SDCCAG8: variants seen among roughly 807,000 people sequenced by gnomAD.
SDCCAG8 encodes the protein SHH signaling and ciliogenesis regulator SDCCAG8.
Under a neutral mutation model 101.8 loss-of-function variants are expected in SDCCAG8, and 74 were observed. The observed-to-expected ratio is 0.73, with a 90% CI of 0.60 to 0.88. SDCCAG8 has a LOEUF of 0.88. Ranked by LOEUF, SDCCAG8 falls within the 40% of genes least tolerant of loss-of-function variation. The pLI is 0.00. For synonymous variants in SDCCAG8, 281 were observed against 292.9 expected (o/e 0.96, Z 0.41); for missense variants, 787 against 822.6 (o/e 0.96, Z 0.53).
At chr1:243,305,003 T>G (rs374279427) in intron 7 of SDCCAG8, 12 of 526,294 alleles carry the variant, frequency 2.3e-5, no homozygotes, top group South Asian at 1.6e-4. Context: ...TATTTGTGTT[T>G]TCTTGTAGAA....
intron 13 of SDCCAG8, among the ~76,000 whole-genome samples, chr1:243,391,175 T>C (rs2147943385): frequency 6.6e-6 from 1 of 152,346 alleles, no homozygotes; most frequent in East Asian, 1.9e-4. Context: ...ATTACTGCCT[T>C]GTTATTTAAT....
intron 4 of SDCCAG8, among the ~76,000 whole-genome samples, chr1:243,283,257 G>T (rs762048126): frequency 1.9e-4 from 29 of 151,848 alleles, no homozygotes; most frequent in African/African-American, 3.4e-4. Flanking sequence ...GTGTATTTTT[G>T]GGGGGTATTT....
At chr1:243,389,150 T>TCCCCC (rs373392073) in intron 13 of SDCCAG8, among the ~76,000 whole-genome samples, 1 of 116,706 alleles carries the variant, frequency 8.6e-6, no homozygotes, top group Non-Finnish European at 1.8e-5. Flanking sequence ...CTGTCCCCCC[T>TCCCCC]CCCCCCCCCA....
intron 13 of SDCCAG8, among the ~76,000 whole-genome samples, chr1:243,403,208 C>T (rs995896723): frequency 3.3e-5 from 5 of 152,084 alleles, no homozygotes; most frequent in African/African-American, 9.7e-5. Context: ...GATGAGGTTC[C>T]GCCTTGACGT....
intron 13 of SDCCAG8, among the ~76,000 whole-genome samples, chr1:243,404,862 CTT>C (rs529062563): frequency 4.9e-4 from 67 of 137,502 alleles, no homozygotes; most frequent in Middle Eastern, 3.7e-3. Context: ...TAGACTTCTT[CTT>C]TTTTTTTTTT....
chr1:243,354,294 A>C (rs1034069023), intron 12 of SDCCAG8, among the ~76,000 whole-genome samples: 16 of 152,328 alleles, frequency 1.1e-4, no homozygotes, highest in Middle Eastern at 3.4e-3. Flanking sequence ...TGGAGCCTCA[A>C]GTTTTATTCT....
intron 13 of SDCCAG8, among the ~76,000 whole-genome samples, chr1:243,398,617 T>G (rs1295538465): frequency 2.0e-5 from 3 of 152,200 alleles, no homozygotes; most frequent in Admixed American, 1.3e-4. Flanking sequence ...TCCATCATAA[T>G]TACCAAATTT....
intron 14 of SDCCAG8, 144 bp from the exon 15 acceptor site, chr1:243,417,824 C>T: frequency 3.1e-6 from 2 of 652,904 alleles, no homozygotes; most frequent in Non-Finnish European, 5.6e-6. Flanking sequence ...ATGATAAGTC[C>T]TTTGACTTAG....
chr1:243,296,342 G>A (rs1376939063), intron 6 of SDCCAG8, among the ~76,000 whole-genome samples: 1 of 151,946 alleles, frequency 6.6e-6, no homozygotes, highest in African/African-American at 2.4e-5. Flanking sequence ...CTCCCATAAA[G>A]CAAACAAACC....
chr1:243,455,376 T>G (rs1251078296), intron 16 of SDCCAG8, among the ~76,000 whole-genome samples: 1 of 152,132 alleles, frequency 6.6e-6, no homozygotes, highest in Non-Finnish European at 1.5e-5. Context: ...TTCAAGCAAT[T>G]CTCCTGCCTC....
intron 6 of SDCCAG8, among the ~76,000 whole-genome samples, chr1:243,293,901 G>A (rs1043245125): frequency 9.2e-5 from 14 of 152,078 alleles, no homozygotes; most frequent in Admixed American, 2.6e-4. Flanking sequence ...TCATCAATTC[G>A]TTTTTCTACC....
chr1:243,385,267 A>G (rs892925787), intron 13 of SDCCAG8, among the ~76,000 whole-genome samples: 6 of 151,888 alleles, frequency 4.0e-5, no homozygotes, highest in Non-Finnish European at 5.9e-5. Flanking sequence ...GTGCGCGCCT[A>G]TAGTCCCAGC....
chr1:243,347,243 T>A (rs1414510889), intron 12 of SDCCAG8, among the ~76,000 whole-genome samples: 1 of 152,224 alleles, frequency 6.6e-6, no homozygotes, highest in East Asian at 1.9e-4. Flanking sequence ...AGACCTTATG[T>A]TATTTTACTC....
At chr1:243,384,590 CCACACA>C (rs113914411) in intron 13 of SDCCAG8, among the ~76,000 whole-genome samples, 6 of 149,456 alleles carry the variant, frequency 4.0e-5, no homozygotes, top group South Asian at 2.2e-4. Flanking sequence ...TGTTTAAAAA[CCACACA>C]CACACACACA....
intron 6 of SDCCAG8, among the ~76,000 whole-genome samples, chr1:243,294,168 T>G (rs1253043153): frequency 6.6e-6 from 1 of 152,170 alleles, no homozygotes; most frequent in Non-Finnish European, 1.5e-5. Flanking sequence ...AGTGAGCATG[T>G]TTTCCTGTTT....
At chr1:243,337,704 AT>A (rs2075107301) in intron 10 of SDCCAG8, among the ~76,000 whole-genome samples, 2 of 152,220 alleles carry the variant, frequency 1.3e-5, no homozygotes, top group South Asian at 4.1e-4. Flanking sequence ...TGGGCATTTA[AT>A]AAATTTTAGC....
intron 16 of SDCCAG8, among the ~76,000 whole-genome samples, chr1:243,460,823 C>G (rs1658938386): frequency 1.3e-5 from 2 of 152,298 alleles, no homozygotes; most frequent in South Asian, 4.2e-4. Flanking sequence ...TCGGCTTGTT[C>G]CCTTTCTCAG....
At chr1:243,457,364 T>C (rs956828004) in intron 16 of SDCCAG8, among the ~76,000 whole-genome samples, 1 of 152,228 alleles carries the variant, frequency 6.6e-6, no homozygotes, top group Non-Finnish European at 1.5e-5. Context: ...ATCCAAAGCA[T>C]CATTCTTTCT....
At position 243,421,478 on chromosome 1, in the gene SDCCAG8, A is replaced by G. The variant is rs377544973; in HGVS notation, c.1853+3402A>G. On this transcript the variant is annotated intron_variant, in intron 15 of 17. Transcript: ENST00000366541. Reference sequence around the variant, plus strand: ...GTCTGTTGTATGTGTTTTCTCCCCAAGGAGACCGTAAGTCGCATTATGGCA... The same window carrying G: ...GTCTGTTGTATGTGTTTTCTCCCCAGGGAGACCGTAAGTCGCATTATGGCA... 1.6e-4 allele frequency among the ~76,000 whole-genome samples: 24 copies of G among 152,284 alleles called. No homozygotes were observed. In the East Asian group the frequency reaches 2.7e-3, roughly 17 times the overall value.
Sources: allele counts gnomAD v4.1 joint callset (sites outside exome capture counted in the v4.1 genomes callset), GRCh38; gene constraint gnomAD v4.1.1; transcripts MANE v1.5; gene names NCBI Gene and HGNC (gene_info 2026-07-23, HGNC 2026-07-21).